Variants in TCF12 observed in about 807,000 individuals in gnomAD.
TCF12 encodes transcription factor 12, also known as DNA-binding protein HTF4.
In TCF12, 45 loss-of-function variants were observed where a neutral mutation model predicts 86.0. The observed-to-expected ratio is 0.52, with a 90% CI of 0.41 to 0.67. The LOEUF is 0.67. Among genes scored for constraint, TCF12 ranks in the 30% least tolerant of loss-of-function variants. The pLI is 0.00. For missense variants in TCF12, 881 were observed against 859.9 expected (o/e 1.02, Z -0.31); for synonymous variants, 330 against 299.6 (o/e 1.10, Z -1.05).
intron 5 of TCF12, among the ~76,000 whole-genome samples, chr15:57,135,977 G>A (rs2052491347): frequency 6.6e-6 from 1 of 150,832 alleles, no homozygotes; most frequent in Non-Finnish European, 1.5e-5. Context: ...AAAACTAGCT[G>A]ACTTGGTTAT....
intron 8 of TCF12, among the ~76,000 whole-genome samples, chr15:57,223,050 A>G (rs2058677261): frequency 6.6e-6 from 1 of 151,956 alleles, no homozygotes; most frequent in South Asian, 2.1e-4. Flanking sequence ...AAAAAAAGAA[A>G]CTAATTTGAT....
intron 4 of TCF12, among the ~76,000 whole-genome samples, chr15:57,070,131 T>G (rs980315792): frequency 6.6e-6 from 1 of 152,210 alleles, no homozygotes; most frequent in African/African-American, 2.4e-5. Flanking sequence ...TGGTGATGAT[T>G]TAGCTTTAAA....
intron 19 of TCF12, 138 bp from the exon 20 acceptor site, chr15:57,282,307 T>C: frequency 1.0e-6 from 1 of 980,464 alleles, no homozygotes; most frequent in Non-Finnish European, 1.5e-6. Context: ...TGAGGTTTTA[T>C]GTGAGCACAT....
intron 4 of TCF12, among the ~76,000 whole-genome samples, chr15:57,082,980 C>A (rs1187995866): frequency 6.6e-6 from 1 of 152,050 alleles, no homozygotes; most frequent in Non-Finnish European, 1.5e-5. Context: ...ATAGGAGTGA[C>A]ATGTATATAC....
chr15:56,958,674 AGAGAGTGTGTGTGTGTGT>A (rs1190073207), intron 3 of TCF12, among the ~76,000 whole-genome samples: 7 of 64,584 alleles, frequency 1.1e-4, no homozygotes, highest in East Asian at 4.6e-4. Context: ...AGAGAGAGAG[AGAGAGTGTGTGTGTGTGT>A]GTGTGTGTGT....
chr15:56,976,902 GA>G (rs2140834217), intron 3 of TCF12, among the ~76,000 whole-genome samples: 1 of 152,058 alleles, frequency 6.6e-6, no homozygotes, highest in Admixed American at 6.5e-5. Flanking sequence ...AAATCTCAAG[GA>G]AAAAATGTGA....
chr15:56,929,176 G>A (rs2140247983), intron 3 of TCF12, among the ~76,000 whole-genome samples: 1 of 152,262 alleles, frequency 6.6e-6, no homozygotes, highest in East Asian at 1.9e-4. Context: ...TTGGGGATAA[G>A]GGTCAGGGTG....
chr15:57,264,345 C>G, intron 18 of TCF12, among the ~76,000 whole-genome samples: 1 of 150,854 alleles, frequency 6.6e-6, no homozygotes, highest in Non-Finnish European at 1.5e-5. Flanking sequence ...GGATTACAGG[C>G]ACCCCCCACC....
chr15:57,177,191 G>C (rs1228855096), intron 6 of TCF12, among the ~76,000 whole-genome samples: 2 of 152,134 alleles, frequency 1.3e-5, no homozygotes, highest in Non-Finnish European at 2.9e-5. Flanking sequence ...GCATTTTGTG[G>C]GTTGTTTGGA....
intron 3 of TCF12, among the ~76,000 whole-genome samples, chr15:57,042,721 T>C (rs944420350): frequency 8.5e-5 from 13 of 152,192 alleles, no homozygotes; most frequent in Non-Finnish European, 1.6e-4. Context: ...GCCTTACATA[T>C]AAATATTTTT....
At chr15:56,918,219 G>A, upstream of TCF12, 1 of 456,326 alleles carries the variant, frequency 2.2e-6, no homozygotes, top group Middle Eastern at 3.3e-4. Context: ...GGGAATGGCA[G>A]CCTTCAGTGT....
At chr15:56,972,647 A>G (rs2062398314) in intron 3 of TCF12, among the ~76,000 whole-genome samples, 1 of 152,192 alleles carries the variant, frequency 6.6e-6, no homozygotes, top group Non-Finnish European at 1.5e-5. Context: ...TTAGGGTAGA[A>G]ATAATGAGGG....
chr15:57,178,359 A>G (rs2056103956), intron 6 of TCF12, among the ~76,000 whole-genome samples: 1 of 152,232 alleles, frequency 6.6e-6, no homozygotes, highest in Non-Finnish European at 1.5e-5. Flanking sequence ...TTTATAAAGT[A>G]TGGCATGCCT....
intron 5 of TCF12, among the ~76,000 whole-genome samples, chr15:57,134,049 G>T (rs2151366713): frequency 6.6e-6 from 1 of 152,294 alleles, no homozygotes; most frequent in Non-Finnish European, 1.5e-5. Context: ...AAGAGTGGTG[G>T]TTTATTTATT....
At chr15:57,118,937 ATTTTTTTCCT>A (rs1435440620) in intron 5 of TCF12, among the ~76,000 whole-genome samples, 1 of 152,034 alleles carries the variant, frequency 6.6e-6, no homozygotes, top group African/African-American at 2.4e-5. Flanking sequence ...CAAAGCTAAC[ATTTTTTTCCT>A]TTTTTTTCCC....
Position 57,076,569 on chromosome 15 carries a change from C to A in TCF12, c.222+12746C>A, listed in dbSNP as rs554738837. On this transcript the variant is annotated intron_variant, in intron 4 of 20. Coordinates refer to ENST00000333725, the MANE Select transcript of TCF12 (RefSeq NM_207037.2). Reference sequence around the variant, plus strand: ...TGGGGAGGCTGAGGCAGGAGAATAGCGTGAACCCAGGAGGCGAAGCTTGCA... The same window carrying A: ...TGGGGAGGCTGAGGCAGGAGAATAGAGTGAACCCAGGAGGCGAAGCTTGCA... Among the ~76,000 whole-genome samples, 6 of 151,120 alleles carry A rather than the reference C, an allele frequency of 4.0e-5. No individual in the cohort carries two copies. In the South Asian group the frequency reaches 1.2e-3, roughly 31 times the overall value.
Position 57,210,465 on chromosome 15 carries a change from AAGTCTTTTC to A in TCF12, c.579+12643_579+12651del, listed in dbSNP as rs554744385. Among the ~76,000 whole-genome samples, 328 of 152,220 alleles carry A rather than the reference AAGTCTTTTC, an allele frequency of 2.2e-3. 1 individual carries two copies. The highest frequency in any genetic ancestry group is 3.8e-3 in the Non-Finnish European group (258 of 68,010). On this transcript the variant is annotated intron_variant, in intron 8 of 20. Transcript: ENST00000333725. Reference sequence around the variant, plus strand: ...CTCCAGGTTTTCATCAGAAAACTAAAAGTCTTTTCAGCAGCAAAGAACACTGTAGTTATT... The same window carrying A: ...CTCCAGGTTTTCATCAGAAAACTAAAAGCAGCAAAGAACACTGTAGTTATT...
In TCF12 at chr15:57,063,736, TC is replaced by T; in HGVS notation, c.149-13del. The T allele has an allele frequency of 6.3e-7, 1 of 1,589,774 alleles. No individual in the cohort carries two copies. Among genetic ancestry groups the T allele is most frequent in the Non-Finnish European group, 8.6e-7 (1 of 1,161,800 alleles). ...ATGTTTTTAGATATATCTTTTATTTTCTTCTCTTTTTAGGTATTGATGAAAG... is the reference window on the plus strand; with the variant it reads ...ATGTTTTTAGATATATCTTTTATTTTTTCTCTTTTTAGGTATTGATGAAAG... On this transcript the variant is annotated splice_polypyrimidine_tract_variant and intron_variant, in intron 3 of 20. Transcript: ENST00000333725.
At chr15:56,966,193 C>A (rs1283298899) in intron 3 of TCF12, among the ~76,000 whole-genome samples, 3 of 151,784 alleles carry the variant, frequency 2.0e-5, no homozygotes, top group African/African-American at 7.3e-5. Context: ...TTTTAGTTGC[C>A]CTATTTTTTT....
Sources: allele counts gnomAD v4.1 joint callset (sites outside exome capture counted in the v4.1 genomes callset), GRCh38; gene constraint gnomAD v4.1.1; transcripts MANE v1.5; gene names NCBI Gene and HGNC (gene_info 2026-07-23, HGNC 2026-07-21).